AKAP19: variants seen among roughly 807,000 people sequenced by gnomAD.
AKAP19 encodes the protein small A-kinase anchoring protein.
At chr2:189,903,296 G>T in the AKAP19 span, among the ~76,000 whole-genome samples, 1 of 151,822 alleles carries the variant, frequency 6.6e-6, no homozygotes, top group Non-Finnish European at 1.5e-5. Flanking sequence ...GAAAAATAAT[G>T]ATTGCCATGT....
the AKAP19 span, among the ~76,000 whole-genome samples, chr2:190,039,216 T>C: frequency 9.2e-5 from 14 of 151,878 alleles, no homozygotes; most frequent in Admixed American, 9.2e-4. Flanking sequence ...GTAGCTGGGA[T>C]TACAGGTGCG....
chr2:189,966,168 G>A, the AKAP19 span, among the ~76,000 whole-genome samples: 2 of 150,540 alleles, frequency 1.3e-5, no homozygotes, highest in South Asian at 4.3e-4. Flanking sequence ...ATGATACAAT[G>A]GACTTTGGGT....
chr2:190,202,177 G>A, the AKAP19 span: 4 of 166,944 alleles, frequency 2.4e-5, no homozygotes, highest in African/African-American at 9.7e-5. Flanking sequence ...ATATCAACTA[G>A]AAGTCTGATT....
chr2:190,172,507 C>A, the AKAP19 span, among the ~76,000 whole-genome samples: 1 of 152,110 alleles, frequency 6.6e-6, no homozygotes, highest in African/African-American at 2.4e-5. Context: ...AGAAGTCCAC[C>A]AGTTTTGTTG....
the AKAP19 span, among the ~76,000 whole-genome samples, chr2:190,150,929 G>C: frequency 6.6e-6 from 1 of 152,024 alleles, no homozygotes; most frequent in Non-Finnish European, 1.5e-5. Context: ...ATTTTTATTG[G>C]TGAAGTTTAG....
At chr2:189,954,702 A>G in the AKAP19 span, among the ~76,000 whole-genome samples, 1 of 152,190 alleles carries the variant, frequency 6.6e-6, no homozygotes, top group African/African-American at 2.4e-5. Flanking sequence ...TTTTCCCAAC[A>G]TTTGTTGGCA....
the AKAP19 span, among the ~76,000 whole-genome samples, chr2:189,901,232 T>C: frequency 6.6e-6 from 1 of 152,202 alleles, no homozygotes; most frequent in African/African-American, 2.4e-5. Flanking sequence ...TCATCAAATA[T>C]ATTAGAGAGT....
At chr2:190,175,005 T>C in the AKAP19 span, among the ~76,000 whole-genome samples, 1 of 150,476 alleles carries the variant, frequency 6.6e-6, no homozygotes, top group South Asian at 2.1e-4. Flanking sequence ...ATAGATTACA[T>C]GGAGTACATA....
At chr2:189,905,425 A>G in the AKAP19 span, among the ~76,000 whole-genome samples, 2 of 152,040 alleles carry the variant, frequency 1.3e-5, no homozygotes, top group East Asian at 1.9e-4. Flanking sequence ...TTTGATATTC[A>G]TAATTTCCCT....
At chr2:190,163,455 CAA>C in the AKAP19 span, among the ~76,000 whole-genome samples, 3 of 136,676 alleles carry the variant, frequency 2.2e-5, no homozygotes, top group African/African-American at 8.3e-5. Context: ...AAACAAAAAA[CAA>C]AAAAAAAAAA....
the AKAP19 span, among the ~76,000 whole-genome samples, chr2:190,002,746 A>G: frequency 1.3e-5 from 2 of 151,960 alleles, no homozygotes; most frequent in Admixed American, 6.5e-5. Context: ...CAGTTGGTCT[A>G]TTTTTTCCTT....
chr2:190,012,546 G>A, the AKAP19 span, among the ~76,000 whole-genome samples: 1 of 152,092 alleles, frequency 6.6e-6, no homozygotes, highest in Non-Finnish European at 1.5e-5. Context: ...GAATATAAGA[G>A]CATGTTATCA....
chr2:190,200,129 T>C, the AKAP19 span: 5 of 1,613,830 alleles, frequency 3.1e-6, no homozygotes, highest in Non-Finnish European at 4.2e-6. Context: ...ATTCCATACA[T>C]TGAGAGTGAG....
the AKAP19 span, among the ~76,000 whole-genome samples, chr2:190,047,901 T>C: frequency 6.6e-6 from 1 of 152,188 alleles, no homozygotes; most frequent in Non-Finnish European, 1.5e-5. Flanking sequence ...TTGGCTTCAG[T>C]AGAGGTGAGG....
the AKAP19 span, chr2:189,923,333 A>G: frequency 1.4e-5 from 23 of 1,610,308 alleles, no homozygotes; most frequent in Non-Finnish European, 2.0e-5. Flanking sequence ...ACCATCAAAC[A>G]CAATGGCCAG....
At chr2:189,939,144 TCC>T in the AKAP19 span, among the ~76,000 whole-genome samples, 2 of 152,080 alleles carry the variant, frequency 1.3e-5, no homozygotes, top group South Asian at 4.1e-4. Flanking sequence ...GGGACTATCA[TCC>T]CCAGCCATGG....
the AKAP19 span, among the ~76,000 whole-genome samples, chr2:190,173,199 T>TAA: frequency 6.6e-6 from 1 of 152,190 alleles, no homozygotes; most frequent in Non-Finnish European, 1.5e-5. Context: ...CAATAAATAG[T>TAA]AACTATTATC....
At chr2:189,987,402 G>A in the AKAP19 span, among the ~76,000 whole-genome samples, 1 of 152,160 alleles carries the variant, frequency 6.6e-6, no homozygotes, top group African/African-American at 2.4e-5. Flanking sequence ...GCATGAAAAT[G>A]GACTAATATA....
chr2:189,961,467 C>T, the AKAP19 span, among the ~76,000 whole-genome samples: 5 of 152,096 alleles, frequency 3.3e-5, no homozygotes, highest in African/African-American at 1.2e-4. Context: ...TTTTTTAATA[C>T]TAAAAGATAC....
Sources: gnomAD v4.1 joint callset for allele counts (sites outside exome capture counted in the v4.1 genomes callset) on GRCh38, gnomAD v4.1.1 for gene constraint, MANE v1.5 for transcripts, NCBI Gene and HGNC (gene_info 2026-07-23, HGNC 2026-07-21) for gene names.